KITLG: variants seen among roughly 807,000 people sequenced by gnomAD.
The protein encoded by KITLG is KIT ligand, also known as c-Kit ligand.
In KITLG, 13 loss-of-function variants were observed where a neutral mutation model predicts 34.1. The ratio of observed to expected loss-of-function variants is 0.38; its 90% confidence interval spans 0.25 to 0.61. KITLG has a LOEUF of 0.61. KITLG is among the 20% of genes least tolerant of loss of function. The pLI, the probability that KITLG is intolerant of heterozygous loss-of-function variation, is 0.60. For missense variants in KITLG, 292 were observed against 318.9 expected, an observed-to-expected ratio of 0.92 and a Z score of 0.64; for synonymous variants, 110 against 104.0, an observed-to-expected ratio of 1.06 and a Z score of -0.35.
At chr12:88,535,824 G>T (rs1870296357) in intron 2 of KITLG, among the ~76,000 whole-genome samples, 1 of 152,088 alleles carries the variant, frequency 6.6e-6, no homozygotes, top group Non-Finnish European at 1.5e-5. Context: ...TCAATAAATG[G>T]TGCTGGGATA....
chr12:88,494,300 T>C lies in KITLG; in HGVS notation c.*2919A>G, dbSNP rs986150428. 1.3e-5 allele frequency: 2 copies of C among 151,974 alleles called. No individual in the cohort carries two copies. The highest frequency in any genetic ancestry group is 6.6e-5 in the Admixed American group (1 of 15,224). 9.4% of individuals were successfully genotyped at this position (151,974 alleles called of 1,614,324 possible). A position where few individuals can be genotyped will look rare whatever the true frequency, so the allele number is the denominator to read the frequency against. On this transcript the variant is annotated 3_prime_UTR_variant, in exon 10 of 10. Coordinates refer to ENST00000644744, the MANE Select transcript of KITLG (RefSeq NM_000899.5). ...TTTTGAAATGAAAACTTGGCTGCAGTAAAATATTTTTAAAATCCATGATTT... is the reference window on the plus strand; with the variant it reads ...TTTTGAAATGAAAACTTGGCTGCAGCAAAATATTTTTAAAATCCATGATTT...
At chr12:88,541,972 A>G (rs1870534316) in intron 2 of KITLG, among the ~76,000 whole-genome samples, 1 of 152,174 alleles carries the variant, frequency 6.6e-6, no homozygotes, top group Non-Finnish European at 1.5e-5. Flanking sequence ...ATTTCCATTG[A>G]AGGAATAACT....
At chr12:88,498,831 G>A (rs982914345) in intron 9 of KITLG, among the ~76,000 whole-genome samples, 33 of 151,986 alleles carry the variant, frequency 2.2e-4, no homozygotes, top group Admixed American at 1.9e-3. Flanking sequence ...CTGAGATCAC[G>A]CCACTGCACT....
At chr12:88,563,712 G>A (rs935984555) in intron 1 of KITLG, among the ~76,000 whole-genome samples, 3 of 152,198 alleles carry the variant, frequency 2.0e-5, no homozygotes, top group Non-Finnish European at 4.4e-5. Flanking sequence ...TGTAATCCCA[G>A]CAATTTGGGA....
intron 1 of KITLG, among the ~76,000 whole-genome samples, chr12:88,574,843 G>A (rs528178678): frequency 1.4e-4 from 21 of 152,168 alleles, no homozygotes; most frequent in African/African-American, 9.7e-5. Flanking sequence ...ATTTAGAACA[G>A]AGAAAGTAAA....
chr12:88,512,039 C>T (rs948158040), intron 6 of KITLG, among the ~76,000 whole-genome samples: 3 of 152,056 alleles, frequency 2.0e-5, no homozygotes, highest in Non-Finnish European at 4.4e-5. Flanking sequence ...GGAAATGTGA[C>T]CCCTAATCAG....
chr12:88,560,620 A>G (rs41300070), intron 1 of KITLG, among the ~76,000 whole-genome samples: 1 of 152,172 alleles, frequency 6.6e-6, no homozygotes, highest in Non-Finnish European at 1.5e-5. Flanking sequence ...TAACCTAAAT[A>G]GCAAAGTTTC....
chr12:88,576,201 T>G (rs1226250481), intron 1 of KITLG, among the ~76,000 whole-genome samples: 1 of 152,228 alleles, frequency 6.6e-6, no homozygotes, highest in Non-Finnish European at 1.5e-5. Flanking sequence ...TCATTTGTAC[T>G]TTAAAAGAAA....
chr12:88,530,140 GCAATCA>G lies in KITLG; in HGVS notation c.192+2295_192+2300del, dbSNP rs1166642390. Among the ~76,000 whole-genome samples the G allele has an allele frequency of 6.6e-5, 10 of 152,242 alleles. No individual in the cohort carries two copies. The South Asian group carries it at 1.2e-3, about 19-fold the overall frequency. On this transcript the variant is annotated intron_variant, in intron 3 of 9. Coordinates refer to ENST00000644744, the MANE Select transcript of KITLG (RefSeq NM_000899.5). Reference sequence around the variant, plus strand: ...GCAGCAGGTTATCTTTGGGTGCTTGGCAATCACAATCCTAAATGCTGCTGCAGTCAG... The same window carrying G: ...GCAGCAGGTTATCTTTGGGTGCTTGGCAATCCTAAATGCTGCTGCAGTCAG...
At chr12:88,558,045 G>T (rs1871158091) in intron 1 of KITLG, among the ~76,000 whole-genome samples, 1 of 152,056 alleles carries the variant, frequency 6.6e-6, no homozygotes, top group South Asian at 2.1e-4. Context: ...AAAATATTTT[G>T]AACTCCAAAC....
At position 88,493,843 on chromosome 12, in the gene KITLG, C is replaced by T. The variant is rs1387431211; in HGVS notation, c.*3376G>A. The stretch of plus-strand genomic sequence containing the variant: ...TTGGAGGTGATCCAAAATGTTTATT[C>T]AAGCAAAGGAAAAAGCCATCTCTTG... On this transcript the variant is annotated 3_prime_UTR_variant, in exon 10 of 10. Coordinates refer to ENST00000644744, the MANE Select transcript of KITLG (RefSeq NM_000899.5). 1 of 151,866 alleles carries T rather than the reference C, an allele frequency of 6.6e-6. No individual in the cohort carries two copies. Among genetic ancestry groups the T allele is most frequent in the Non-Finnish European group, 1.5e-5 (1 of 67,856 alleles). 9.4% of individuals were successfully genotyped at this position (151,866 alleles called of 1,614,324 possible).
In KITLG at chr12:88,545,732, G is replaced by T; in HGVS notation, c.129+20C>A. 1 of 1,352,160 alleles carries T rather than the reference G, an allele frequency of 7.4e-7. No individual in the cohort carries two copies. The highest frequency in any genetic ancestry group is 1.4e-5 in the African/African-American group (1 of 69,728). 83.8% of individuals were successfully genotyped at this position (1,352,160 alleles called of 1,614,324 possible). A position where few individuals can be genotyped will look rare whatever the true frequency, so the allele number is the denominator to read the frequency against. The stretch of plus-strand genomic sequence containing the variant: ...CCACAGCTCTTTTTTACACAGCACG[G>T]TAAAGCATTCCTTACTTACCAATTT... On this transcript the variant is annotated intron_variant, in intron 2 of 9. Coordinates refer to ENST00000644744, the MANE Select transcript of KITLG (RefSeq NM_000899.5).
At chr12:88,506,631 C>CAAGAAGCTGA (rs529498806) in intron 7 of KITLG, among the ~76,000 whole-genome samples, 12 of 152,124 alleles carry the variant, frequency 7.9e-5, no homozygotes, top group Non-Finnish European at 1.5e-4. Context: ...AAAGACATTT[C>CAAGAAGCTGA]AAGAAGCTGA....
intron 3 of KITLG, among the ~76,000 whole-genome samples, chr12:88,525,468 G>GAT: frequency 6.6e-6 from 1 of 152,140 alleles, no homozygotes; most frequent in South Asian, 2.1e-4. Context: ...CTAAAGAATG[G>GAT]TGAGGAGATA....
At chr12:88,565,233 T>C (rs1871406269) in intron 1 of KITLG, among the ~76,000 whole-genome samples, 1 of 152,158 alleles carries the variant, frequency 6.6e-6, no homozygotes, top group Non-Finnish European at 1.5e-5. Context: ...TAGCACAAAT[T>C]GTTAACAGAA....
intron 1 of KITLG, among the ~76,000 whole-genome samples, chr12:88,577,730 G>A (rs1415223097): frequency 6.6e-6 from 1 of 152,126 alleles, no homozygotes; most frequent in Non-Finnish European, 1.5e-5. Context: ...ATACTGAAGT[G>A]TACCAACATG....
At chr12:88,548,584 A>G (rs2120918906) in intron 1 of KITLG, among the ~76,000 whole-genome samples, 1 of 152,322 alleles carries the variant, frequency 6.6e-6, no homozygotes, top group Middle Eastern at 3.4e-3. Flanking sequence ...GATGTTGGGT[A>G]GGTAGAATCA....
chr12:88,532,272 T>A (rs1870124510), intron 3 of KITLG, among the ~76,000 whole-genome samples, 169 bp downstream of exon 3: 1 of 151,950 alleles, frequency 6.6e-6, no homozygotes, highest in Admixed American at 6.6e-5. Flanking sequence ...GTTTAACAGT[T>A]GCTTAAGAGG....
At chr12:88,521,416 C>G (rs1176020364) in intron 3 of KITLG, among the ~76,000 whole-genome samples, 3 of 152,006 alleles carry the variant, frequency 2.0e-5, no homozygotes, top group African/African-American at 7.2e-5. Context: ...TTCAATTCCT[C>G]CACGATTATG....
Sources: allele counts gnomAD v4.1 joint callset (sites outside exome capture counted in the v4.1 genomes callset), GRCh38; gene constraint gnomAD v4.1.1; transcripts MANE v1.5; gene names NCBI Gene and HGNC (gene_info 2026-07-23, HGNC 2026-07-21).